The following ATP2B2 variants were observed in gnomAD, a reference collection of about 807,000 sequenced individuals.
The protein encoded by ATP2B2 is ATPase plasma membrane Ca2+ transporting 2, also known as plasma membrane calcium-transporting ATPase 2.
A neutral mutation model predicts 120.0 loss-of-function variants in ATP2B2; 15 were observed. The ratio of observed to expected loss-of-function variants is 0.12; its 90% confidence interval spans 0.08 to 0.19. ATP2B2 has a LOEUF of 0.19. ATP2B2 is among the 10% of genes least tolerant of loss of function. ATP2B2 has a pLI of 1.00. For synonymous variants in ATP2B2, 694 were observed against 700.3 expected (o/e 0.99, Z 0.14); for missense variants, 1,045 against 1,719.8 (o/e 0.61, Z 6.94).
chr3:10,663,042 T>C (rs2070830179), intron 1 of ATP2B2, among the ~76,000 whole-genome samples: 1 of 127,688 alleles, frequency 7.8e-6, no homozygotes, highest in Non-Finnish European at 1.5e-5. Flanking sequence ...AATTGAACAA[T>C]GAGAACACTT....
chr3:10,518,665 G>C (rs1191461010), intron 3 of ATP2B2, among the ~76,000 whole-genome samples: 1 of 152,236 alleles, frequency 6.6e-6, no homozygotes, highest in Non-Finnish European at 1.5e-5. Flanking sequence ...TCCTGGCCTA[G>C]TTACAGAGCC....
chr3:10,581,739 G>GC (rs1215275638), intron 2 of ATP2B2, among the ~76,000 whole-genome samples: 1 of 152,188 alleles, frequency 6.6e-6, no homozygotes, highest in Admixed American at 6.5e-5. Flanking sequence ...TCCTCCAAGG[G>GC]CACAATCCAT....
chr3:10,454,554 C>G (rs2064184856), intron 1 of ATP2B2, among the ~76,000 whole-genome samples: 1 of 152,230 alleles, frequency 6.6e-6, no homozygotes, highest in African/African-American at 2.4e-5. Context: ...TGCTTCATCT[C>G]ATGGGTGCAA....
intron 1 of ATP2B2, among the ~76,000 whole-genome samples, chr3:10,633,806 G>C (rs1379520963): frequency 1.3e-5 from 2 of 152,212 alleles, no homozygotes; most frequent in Non-Finnish European, 2.9e-5. Flanking sequence ...AGGCAGGGCA[G>C]CCTGTATTGG....
intron 1 of ATP2B2, among the ~76,000 whole-genome samples, chr3:10,482,914 C>T (rs980669134): frequency 1.3e-5 from 2 of 152,252 alleles, no homozygotes; most frequent in East Asian, 1.9e-4. Context: ...GATTTGCACT[C>T]GGGGAAGCAA....
chr3:10,585,056 T>A (rs1316453336), intron 2 of ATP2B2, among the ~76,000 whole-genome samples: 2 of 152,046 alleles, frequency 1.3e-5, no homozygotes, highest in Non-Finnish European at 2.9e-5. Flanking sequence ...TGCCATCACC[T>A]CTGGTCTGGA....
intron 1 of ATP2B2, among the ~76,000 whole-genome samples, chr3:10,500,372 G>A (rs897303343): frequency 6.6e-6 from 1 of 152,058 alleles, no homozygotes; most frequent in Non-Finnish European, 1.5e-5. Flanking sequence ...TGACTGCAGT[G>A]GGTTGAACGG....
chr3:10,493,523 G>C (rs1448237492), intron 1 of ATP2B2, among the ~76,000 whole-genome samples: 1 of 152,156 alleles, frequency 6.6e-6, no homozygotes, highest in Non-Finnish European at 1.5e-5. Context: ...GTCTCGACTT[G>C]TTCCTGTACA....
chr3:10,422,665 G>A (rs942471104), intron 2 of ATP2B2, among the ~76,000 whole-genome samples: 1 of 152,254 alleles, frequency 6.6e-6, no homozygotes, highest in African/African-American at 2.4e-5. Flanking sequence ...GCACACAACT[G>A]TGGATGTGGC....
intron 5 of ATP2B2, among the ~76,000 whole-genome samples, chr3:10,394,231 A>G (rs1361592007): frequency 6.6e-6 from 1 of 152,136 alleles, no homozygotes; most frequent in Non-Finnish European, 1.5e-5. Context: ...ATCTGCCTCC[A>G]GGCACAAGCA....
intron 2 of ATP2B2, among the ~76,000 whole-genome samples, chr3:10,421,335 G>A (rs749206110): frequency 5.9e-5 from 9 of 152,138 alleles, no homozygotes; most frequent in Non-Finnish European, 1.2e-4. Context: ...TTCTGTAGGG[G>A]CTGCCAGCTC....
chr3:10,530,360 A>C (rs1386324163), intron 3 of ATP2B2, among the ~76,000 whole-genome samples: 4 of 152,236 alleles, frequency 2.6e-5, no homozygotes, highest in Non-Finnish European at 5.9e-5. Context: ...AGAAGCACTT[A>C]AGTGAAACTT....
At chr3:10,576,034 G>A (rs964682045) in intron 2 of ATP2B2, among the ~76,000 whole-genome samples, 2 of 152,170 alleles carry the variant, frequency 1.3e-5, no homozygotes, top group East Asian at 3.9e-4. Flanking sequence ...ACCCTGTACC[G>A]CAAATGCTGC....
intron 2 of ATP2B2, among the ~76,000 whole-genome samples, chr3:10,554,600 T>C (rs2067739843): frequency 6.6e-6 from 1 of 152,224 alleles, no homozygotes; most frequent in Admixed American, 6.5e-5. Flanking sequence ...GGAATGTGGC[T>C]CTGCCTCGAT....
chr3:10,539,427 C>CA lies in ATP2B2; in HGVS notation c.-414-5295dup, dbSNP rs561276249. ...CCCACATTTCTAAGACAATCCTAAGCAAAAAGAACAAAGCTGGAGACATCA... is the reference window on the plus strand; with the variant it reads ...CCCACATTTCTAAGACAATCCTAAGCAAAAAAGAACAAAGCTGGAGACATCA... On this transcript the variant is annotated intron_variant, in intron 2 of 21. Coordinates refer to the ATP2B2 transcript ENST00000646379. Among the ~76,000 whole-genome samples, 748 of 152,226 alleles carry CA rather than the reference C, an allele frequency of 4.9e-3. 4 individuals are homozygous for CA. Among genetic ancestry groups the CA allele is most frequent in the Non-Finnish European group, 7.9e-3 (536 of 68,004 alleles).
chr3:10,392,205 C>T (rs984134945), intron 5 of ATP2B2, among the ~76,000 whole-genome samples: 1 of 152,160 alleles, frequency 6.6e-6, no homozygotes, highest in African/African-American at 2.4e-5. Flanking sequence ...GCTGCAACTC[C>T]AGCACAATTT....
intron 13 of ATP2B2, among the ~76,000 whole-genome samples, chr3:10,359,554 T>C (rs1236382738): frequency 1.3e-5 from 2 of 151,962 alleles, no homozygotes; most frequent in Non-Finnish European, 2.9e-5. Flanking sequence ...CTAAAGGAAA[T>C]GAAATAAGAG....
chr3:10,519,419 A>C (rs565864972), intron 3 of ATP2B2, among the ~76,000 whole-genome samples: 1 of 152,348 alleles, frequency 6.6e-6, no homozygotes, highest in South Asian at 2.1e-4. Flanking sequence ...ACAGAGCAAG[A>C]AAGAGAGAAG....
chr3:10,401,937 C>A (rs1417475960), intron 4 of ATP2B2, among the ~76,000 whole-genome samples, 154 bp downstream of exon 4: 1 of 152,206 alleles, frequency 6.6e-6, no homozygotes, highest in Non-Finnish European at 1.5e-5. Context: ...AGTACCCTTC[C>A]ACCTCCTAAA....
Sources: gnomAD v4.1 joint callset for allele counts (sites outside exome capture counted in the v4.1 genomes callset) on GRCh38, gnomAD v4.1.1 for gene constraint, MANE v1.5 for transcripts, NCBI Gene and HGNC (gene_info 2026-07-23, HGNC 2026-07-21) for gene names.